The following DLG2 variants were observed in gnomAD, a reference collection of about 807,000 sequenced individuals.
DLG2 encodes disks large homolog 2.
In DLG2, 45 loss-of-function variants were observed where a neutral mutation model predicts 132.5. The ratio of observed to expected loss-of-function variants is 0.34; its 90% CI spans 0.27 to 0.44. DLG2 has a LOEUF of 0.44. DLG2 is among the 20% of genes least tolerant of loss of function. The probability of loss-of-function intolerance (pLI) is 1.00; values close to 1 mark genes in which losing one functional copy is unlikely to be tolerated. For synonymous variants in DLG2, 424 were observed against 419.6 expected (o/e 1.01, Z -0.13); for missense variants, 1,045 against 1,196.9 (o/e 0.87, Z 1.87).
intron 4 of DLG2, among the ~76,000 whole-genome samples, chr11:85,157,152 C>T (rs2077645624): frequency 2.0e-5 from 3 of 152,066 alleles, no homozygotes; most frequent in South Asian, 4.2e-4. Context: ...TGCTTCCTGC[C>T]CTTGAACATT....
chr11:83,496,751 G>A (rs1477136627), intron 21 of DLG2, among the ~76,000 whole-genome samples: 1 of 152,200 alleles, frequency 6.6e-6, no homozygotes, highest in Non-Finnish European at 1.5e-5. Flanking sequence ...TATGGTGGTA[G>A]AAATCAAATC....
intron 8 of DLG2, among the ~76,000 whole-genome samples, chr11:84,243,017 C>CTATATA (rs71465003): frequency 2.1e-4 from 30 of 142,206 alleles, no homozygotes; most frequent in African/African-American, 3.4e-4. Flanking sequence ...CTCTCTCTCT[C>CTATATA]TATATATATA....
intron 3 of DLG2, among the ~76,000 whole-genome samples, chr11:85,333,936 C>A (rs977555790): frequency 1.3e-5 from 2 of 151,550 alleles, no homozygotes; most frequent in African/African-American, 2.4e-5. Context: ...TCAGAATGAT[C>A]CTGCCCTCAC....
intron 6 of DLG2, among the ~76,000 whole-genome samples, chr11:84,564,589 C>A (rs2099443261): frequency 6.6e-6 from 1 of 152,132 alleles, no homozygotes; most frequent in African/African-American, 2.4e-5. Context: ...TTATTCTGCA[C>A]ATAATGTCGT....
At chr11:85,480,338 T>C (rs1326984683) in intron 3 of DLG2, among the ~76,000 whole-genome samples, 1 of 152,204 alleles carries the variant, frequency 6.6e-6, no homozygotes, top group East Asian at 1.9e-4. Flanking sequence ...TATGGAAATA[T>C]CCTAATTGTC....
In DLG2 at chr11:84,166,595, G is replaced by A. The variant is rs142733949; in HGVS notation, c.574-3084C>T. Among the ~76,000 whole-genome samples the A allele has an allele frequency of 2.6e-3, 396 of 150,614 alleles. 2 individuals carry two copies. The highest frequency in any genetic ancestry group is 9.1e-3 in the African/African-American group (373 of 41,040). ...GTGAAAATTTGGTGCCTTTTCAAAC[G>A]AATATACCAGTACAGTATTAAATAA... On this transcript the variant is annotated intron_variant, in intron 8 of 27. Transcript: ENST00000376104.
chr11:84,684,733 A>T (rs2099736524), intron 6 of DLG2, among the ~76,000 whole-genome samples: 1 of 152,054 alleles, frequency 6.6e-6, no homozygotes, highest in African/African-American at 2.4e-5. Context: ...AATTTCCATG[A>T]AACCAAATAA....
chr11:85,495,580 G>A (rs562360057), intron 3 of DLG2, among the ~76,000 whole-genome samples: 1 of 152,166 alleles, frequency 6.6e-6, no homozygotes, highest in Non-Finnish European at 1.5e-5. Context: ...ACCACAATGA[G>A]ATACCATCTC....
intron 6 of DLG2, among the ~76,000 whole-genome samples, chr11:84,746,938 G>A (rs1023082856): frequency 6.6e-6 from 1 of 152,262 alleles, no homozygotes; most frequent in East Asian, 1.9e-4. Context: ...TCTCTCAGAA[G>A]ATCAAATCCA....
At chr11:85,569,093 G>C (rs1207411049) in intron 3 of DLG2, among the ~76,000 whole-genome samples, 1 of 152,154 alleles carries the variant, frequency 6.6e-6, no homozygotes, top group Non-Finnish European at 1.5e-5. Flanking sequence ...GTGCAATGGT[G>C]TGATCTCAGC....
chr11:83,698,936 G>C (rs2082384463), intron 18 of DLG2, among the ~76,000 whole-genome samples: 1 of 152,190 alleles, frequency 6.6e-6, no homozygotes, highest in South Asian at 2.1e-4. Flanking sequence ...AGTAGCTTTT[G>C]CTGCATTCAA....
chr11:85,587,575 TA>T (rs2079050307), intron 3 of DLG2, among the ~76,000 whole-genome samples: 4 of 152,188 alleles, frequency 2.6e-5, no homozygotes, highest in Non-Finnish European at 5.9e-5. Context: ...CCCATTACCT[TA>T]AGTGAGTTCT....
At chr11:85,087,879 G>A (rs1406277376) in intron 6 of DLG2, among the ~76,000 whole-genome samples, 3 of 146,940 alleles carry the variant, frequency 2.0e-5, no homozygotes, top group Admixed American at 1.4e-4. Flanking sequence ...ACAGATCATG[G>A]AGGGATTTGA....
At chr11:83,787,818 A>G (rs1240583308) in intron 17 of DLG2, among the ~76,000 whole-genome samples, 1 of 152,170 alleles carries the variant, frequency 6.6e-6, no homozygotes, top group Non-Finnish European at 1.5e-5. Flanking sequence ...TCTTAACTCA[A>G]ATTTAATAAG....
rs758966566 is a variant in DLG2 at position 84,227,264 on chromosome 11, C to T, written c.573+23974G>A. ...AAATGAAAGAAAAAGACATATTAGA[C>T]GTAGACAAAAATTAGTGCAAAAGCA... is the stretch of plus-strand genomic sequence containing the variant. On this transcript the variant is annotated intron_variant, in intron 8 of 27. Transcript: ENST00000376104. Among the ~76,000 whole-genome samples the T allele has an allele frequency of 4.0e-5, 6 of 151,668 alleles. No individual in the cohort carries two copies. The East Asian group carries it at 5.8e-4, about 15-fold the overall frequency.
chr11:84,054,339 T>C (rs1010893330), intron 11 of DLG2, among the ~76,000 whole-genome samples: 2 of 152,032 alleles, frequency 1.3e-5, no homozygotes, highest in Non-Finnish European at 2.9e-5. Flanking sequence ...ATCTATTTCC[T>C]GGAAACCCAC....
intron 7 of DLG2, among the ~76,000 whole-genome samples, chr11:84,327,153 G>T (rs1599931176): frequency 8.7e-6 from 1 of 114,476 alleles, no homozygotes; most frequent in African/African-American, 3.5e-5. Context: ...GTCTCTCTCT[G>T]TCACCCAGAC....
chr11:84,297,083 C>T (rs1296931021), intron 7 of DLG2, among the ~76,000 whole-genome samples: 1 of 149,514 alleles, frequency 6.7e-6, no homozygotes, highest in Non-Finnish European at 1.5e-5. Context: ...TTATAATTGA[C>T]TTCATAAGAT....
At chr11:83,510,617 G>C (rs1472733743) in intron 21 of DLG2, among the ~76,000 whole-genome samples, 1 of 152,080 alleles carries the variant, frequency 6.6e-6, no homozygotes, top group East Asian at 1.9e-4. Context: ...GAGAGTGGAA[G>C]GGTGGGATGA....
Sources: gnomAD v4.1 joint callset for allele counts (sites outside exome capture counted in the v4.1 genomes callset) on GRCh38, gnomAD v4.1.1 for gene constraint, MANE v1.5 for transcripts, NCBI Gene and HGNC (gene_info 2026-07-23, HGNC 2026-07-21) for gene names.